Variants in EYA3 observed in about 807,000 individuals in gnomAD.
EYA3 encodes the protein EYA transcriptional coactivator and phosphatase 3.
In EYA3, 39 loss-of-function variants were observed where a neutral mutation model predicts 80.0. The observed-to-expected ratio is 0.49, with a 90% CI of 0.38 to 0.64. The LOEUF (loss-of-function observed/expected upper bound fraction) is 0.64. EYA3 is among the 30% of genes least tolerant of loss of function. EYA3 has a pLI of 0.00. For synonymous variants in EYA3, 206 were observed against 232.8 expected, an observed-to-expected ratio of 0.88 and a Z score of 1.05; for missense variants, 523 against 676.1, an observed-to-expected ratio of 0.77 and a Z score of 2.51.
chr1:28,079,030 C>T (rs1026432508), intron 1 of EYA3, among the ~76,000 whole-genome samples: 3 of 152,196 alleles, frequency 2.0e-5, no homozygotes, highest in African/African-American at 4.8e-5. Context: ...TGAGAACATA[C>T]GAGAAGATGG....
chr1:28,046,890 C>T (rs1644026796), intron 3 of EYA3, among the ~76,000 whole-genome samples: 1 of 151,566 alleles, frequency 6.6e-6, no homozygotes, highest in Admixed American at 6.6e-5. Flanking sequence ...GCCACCAACC[C>T]AGGATGGAGT....
At chr1:28,021,177 T>A (rs1193045601) in intron 7 of EYA3, among the ~76,000 whole-genome samples, 1 of 152,242 alleles carries the variant, frequency 6.6e-6, no homozygotes, top group African/African-American at 2.4e-5. Context: ...TTGCTCACAC[T>A]GTCTTTCTTT....
At position 28,028,432 on chromosome 1, in the gene EYA3, G is replaced by A. The variant is rs117352183; in HGVS notation, c.362-506C>T. Among the ~76,000 whole-genome samples the A allele has an allele frequency of 5.9e-4, 89 of 151,948 alleles. 1 individual carries two copies. The East Asian group carries it at 0.016, about 28-fold the overall frequency. On this transcript the variant is annotated intron_variant, in intron 6 of 17. Coordinates refer to ENST00000373871, the MANE Select transcript of EYA3 (RefSeq NM_001990.4). The stretch of plus-strand genomic sequence containing the variant: ...TTGTTACTTTTGTTTCTTCCGATTA[G>A]GAAAGACATACCTGCTTATTTTTAT...
At chr1:27,989,048 G>C (rs1373954482) in intron 15 of EYA3, among the ~76,000 whole-genome samples, 1 of 152,198 alleles carries the variant, frequency 6.6e-6, no homozygotes, top group Non-Finnish European at 1.5e-5. Context: ...CCATAAATGA[G>C]ATATGATTTG....
intron 6 of EYA3, among the ~76,000 whole-genome samples, chr1:28,029,769 A>G (rs533921433): frequency 1.7e-4 from 26 of 151,396 alleles, no homozygotes; most frequent in Non-Finnish European, 2.7e-4. Context: ...CTAATTTTGT[A>G]TTTTTAGTAA....
chr1:27,982,268 G>T (rs1238859131), intron 16 of EYA3, among the ~76,000 whole-genome samples: 1 of 151,912 alleles, frequency 6.6e-6, no homozygotes, highest in Non-Finnish European at 1.5e-5. Flanking sequence ...AAAGTGCTAG[G>T]ATTACAGGCA....
At chr1:28,087,867 T>C (rs1021688094) in intron 1 of EYA3, among the ~76,000 whole-genome samples, 1 of 152,192 alleles carries the variant, frequency 6.6e-6, no homozygotes, top group Non-Finnish European at 1.5e-5. Flanking sequence ...GCCTTTGTTG[T>C]ACCCTAACTA....
chr1:27,984,542 C>T (rs1048520335), intron 16 of EYA3, among the ~76,000 whole-genome samples: 15 of 152,086 alleles, frequency 9.9e-5, no homozygotes, highest in African/African-American at 3.6e-4. Flanking sequence ...TTGCATATAA[C>T]ATAAAGAAGG....
At chr1:28,064,359 C>CCT (rs753576988) in intron 1 of EYA3, among the ~76,000 whole-genome samples, 230 of 137,416 alleles carry the variant, frequency 1.7e-3, no homozygotes, top group African/African-American at 3.3e-3. Flanking sequence ...AGCAAGCCAT[C>CCT]CTCTCTCTCT....
chr1:28,067,646 T>G (rs1644879812), intron 1 of EYA3, among the ~76,000 whole-genome samples: 1 of 152,170 alleles, frequency 6.6e-6, no homozygotes, highest in Non-Finnish European at 1.5e-5. Flanking sequence ...GCAGAAAGAT[T>G]CATTTGATTT....
intron 16 of EYA3, among the ~76,000 whole-genome samples, chr1:27,978,701 A>C (rs942666504): frequency 2.6e-5 from 4 of 152,116 alleles, no homozygotes; most frequent in African/African-American, 9.7e-5. Flanking sequence ...TGGTGGCTCA[A>C]GCCTGTAATC....
At position 27,974,274 on chromosome 1, in the gene EYA3, AGAGAGAGGCAGAGAGGGAGG is replaced by A. The variant is rs1450111919; in HGVS notation, c.*172_*191del. On this transcript the variant is annotated 3_prime_UTR_variant, in exon 18 of 18. Transcript: ENST00000373871. ...TGGATAAAGACAGAGAGAGAGAGAGAGAGAGAGGCAGAGAGGGAGGGAGAGAGGAAGGGAGGGAGGGAGAG... is the reference window on the plus strand; with the variant it reads ...TGGATAAAGACAGAGAGAGAGAGAGAGAGAGAGGAAGGGAGGGAGGGAGAG... 22 of 424,664 alleles carry A rather than the reference AGAGAGAGGCAGAGAGGGAGG, an allele frequency of 5.2e-5. No individual in the cohort carries two copies. In the Admixed American group the frequency reaches 7.9e-4, roughly 15 times the overall value. The allele number at this position is 424,664 out of a possible 1,614,324, so 26.3% of individuals were successfully genotyped here.
At chr1:28,057,483 G>A (rs114623184) in intron 2 of EYA3, among the ~76,000 whole-genome samples, 4,110 of 152,122 alleles carry the variant, frequency 0.027, 86 homozygotes, top group Middle Eastern at 0.054. Context: ...CCAAAAAGAA[G>A]ATAAACCCAT....
At chr1:28,011,866 C>T (rs777869325) in intron 9 of EYA3, among the ~76,000 whole-genome samples, 24 of 152,034 alleles carry the variant, frequency 1.6e-4, no homozygotes, top group Admixed American at 2.6e-4. Context: ...TTTCTATTTA[C>T]TAATGCGATA....
intron 11 of EYA3, 91 bp downstream of exon 11, chr1:28,004,245 G>C: frequency 1.1e-6 from 1 of 872,324 alleles, no homozygotes; most frequent in Non-Finnish European, 1.8e-6. Context: ...AGCCAACAGG[G>C]GTAGCAGAGA....
intron 1 of EYA3, among the ~76,000 whole-genome samples, chr1:28,066,888 G>A (rs1277452386): frequency 6.6e-6 from 1 of 151,968 alleles, no homozygotes; most frequent in Non-Finnish European, 1.5e-5. Context: ...GATAAAAACA[G>A]GCAGTTTAAA....
intron 7 of EYA3, 136 bp from the exon 8 acceptor site, chr1:28,017,375 T>G: frequency 1.6e-6 from 1 of 621,602 alleles, no homozygotes; most frequent in African/African-American, 1.9e-5. Flanking sequence ...ACACTCGTTT[T>G]GCTTTTTTGT....
At chr1:27,977,944 G>A (rs1440738412) in intron 17 of EYA3, among the ~76,000 whole-genome samples, 1 of 152,084 alleles carries the variant, frequency 6.6e-6, no homozygotes, top group East Asian at 1.9e-4. Flanking sequence ...ATCTTTCCAG[G>A]GCTCAAAGGC....
At chr1:27,998,203 TGAGA>T in intron 12 of EYA3, 1 of 502,888 alleles carries the variant, frequency 2.0e-6, no homozygotes, top group Non-Finnish European at 2.6e-6. Flanking sequence ...TCAGAATTTC[TGAGA>T]GTGAAGTCCT....
Sources: gnomAD v4.1 joint callset for allele counts (sites outside exome capture counted in the v4.1 genomes callset) on GRCh38, gnomAD v4.1.1 for gene constraint, MANE v1.5 for transcripts, NCBI Gene and HGNC (gene_info 2026-07-23, HGNC 2026-07-21) for gene names.